CATSPERB: variants seen among roughly 807,000 people sequenced by gnomAD.
CATSPERB encodes catsper channel auxiliary subunit beta.
CATSPERB carries 93 observed loss-of-function variants against 128.3 expected under a neutral mutation model. The observed-to-expected ratio is 0.72, with a 90% CI of 0.61 to 0.86. The LOEUF is 0.86. CATSPERB is among the 40% of genes least tolerant of loss of function. The pLI is 0.00. For missense variants in CATSPERB, 1,153 were observed against 1,329.5 expected (o/e 0.87, Z 2.06); for synonymous variants, 381 against 448.8 (o/e 0.85, Z 1.91).
chr14:91,640,542 A>G (rs1247460429), intron 15 of CATSPERB, among the ~76,000 whole-genome samples: 2 of 102,456 alleles, frequency 2.0e-5, no homozygotes, highest in Non-Finnish European at 3.9e-5. Flanking sequence ...ATGATTTCCA[A>G]TTTCATCCAT....
chr14:91,678,337 C>T (rs1170539790), intron 11 of CATSPERB, among the ~76,000 whole-genome samples: 2 of 152,178 alleles, frequency 1.3e-5, no homozygotes, highest in African/African-American at 2.4e-5. Context: ...CAAAGTTCAG[C>T]CATGTGAACA....
intron 18 of CATSPERB, among the ~76,000 whole-genome samples, chr14:91,624,164 A>G (rs939559611): frequency 3.5e-4 from 54 of 152,186 alleles, no homozygotes; most frequent in African/African-American, 1.2e-3. Context: ...CCTGGCTAAC[A>G]AGGTGAAACC....
chr14:91,624,876 C>A lies in CATSPERB; in HGVS notation c.1874G>T (p.Ser625Ile), dbSNP rs771457564. 1 of 1,611,618 alleles carries A rather than the reference C, an allele frequency of 6.2e-7. No homozygotes were observed. The highest frequency in any genetic ancestry group is 8.5e-7 in the Non-Finnish European group (1 of 1,179,352). ...TCCAGCTTTATTAATCAAAAGGGAA[C>A]TAGACAAACAAGAGCTCTCATTCAC... ...EEVNESSCLS[S>I]SLLINKAGNV... The change falls in exon 18 of 27, where the codon AGT becomes ATT. Residue 625 changes from serine to isoleucine, a missense_variant. Physicochemically the swap from Ser to Ile is moderately radical, Grantham distance 142 (BLOSUM62 -2). Transcript: ENST00000256343.
chr14:91,652,020 A>G lies in CATSPERB; in HGVS notation c.1432+7817T>C, dbSNP rs573030355. Among the ~76,000 whole-genome samples, 92 of 152,332 alleles carry G rather than the reference A, an allele frequency of 6.0e-4. 1 individual carries two copies. The highest frequency in any genetic ancestry group is 6.8e-3 in the Middle Eastern group (2 of 294). On this transcript the variant is annotated intron_variant, in intron 15 of 26. Transcript: ENST00000256343. ...AGGAGAATATCTTCATAGCTTTGGG[A>G]TAGGCAAAGAATTCTTAAATAGAAT...
intron 10 of CATSPERB, among the ~76,000 whole-genome samples, chr14:91,691,184 C>A (rs60456794): frequency 0.1 from 15,720 of 152,156 alleles, 980 homozygotes; most frequent in African/African-American, 0.17. Context: ...ACCTTACTCT[C>A]TTCAGTCAAG....
At chr14:91,598,338 T>C (rs1893545583) in intron 22 of CATSPERB, among the ~76,000 whole-genome samples, 1 of 152,082 alleles carries the variant, frequency 6.6e-6, no homozygotes, top group Admixed American at 6.5e-5. Context: ...TTAGCAAGAA[T>C]GTTTTTCTAC....
In CATSPERB at chr14:91,636,680, T is replaced by C; in HGVS notation, c.1588-101A>G. On this transcript the variant is annotated intron_variant, in intron 16 of 26. Transcript: ENST00000256343. ...TTATTTCCAGTTCACATTAAAACAA[T>C]ACTGGTTTACTTATCAATTGGAGAA... The C allele has an allele frequency of 7.2e-6, 7 of 977,778 alleles. 1 individual carries two copies. The highest frequency in any genetic ancestry group is 3.7e-5 in the South Asian group (2 of 54,396). The allele number at this position is 977,778 out of a possible 1,614,324, so 60.6% of individuals were successfully genotyped here.
chr14:91,659,543 T>C (rs1704672), intron 15 of CATSPERB, among the ~76,000 whole-genome samples: 140,750 of 152,256 alleles, frequency 0.92, 65,155 homozygotes, highest in East Asian at 0.97. Flanking sequence ...TCAGATGAGA[T>C]GATATTTGTA....
At chr14:91,638,994 G>C (rs1894434481) in intron 16 of CATSPERB, 102 bp downstream of exon 16, 2 of 1,044,162 alleles carry the variant, frequency 1.9e-6, no homozygotes, top group Admixed American at 4.7e-5. Flanking sequence ...TAATGAGTTT[G>C]TCCCAAGGAA....
chr14:91,599,839 C>G (rs962332009), intron 22 of CATSPERB, among the ~76,000 whole-genome samples: 1 of 152,110 alleles, frequency 6.6e-6, no homozygotes, highest in Admixed American at 6.5e-5. Context: ...TCTGATTAGC[C>G]TTTCCAAAGG....
chr14:91,697,660 G>T (rs1359212287), intron 7 of CATSPERB, among the ~76,000 whole-genome samples: 1 of 152,110 alleles, frequency 6.6e-6, no homozygotes, highest in Non-Finnish European at 1.5e-5. Context: ...GCTTATTTTT[G>T]TTAACTTTGT....
intron 13 of CATSPERB, among the ~76,000 whole-genome samples, chr14:91,671,050 T>G (rs1157691282): frequency 6.6e-6 from 1 of 152,112 alleles, no homozygotes; most frequent in African/African-American, 2.4e-5. Flanking sequence ...CTGAAGACTG[T>G]TGAGATTCAA....
At chr14:91,672,661 G>T (rs759034576) in intron 13 of CATSPERB, among the ~76,000 whole-genome samples, 1 of 152,054 alleles carries the variant, frequency 6.6e-6, no homozygotes, top group Non-Finnish European at 1.5e-5. Context: ...ACAGCATCAC[G>T]TTTTCCATTT....
intron 6 of CATSPERB, among the ~76,000 whole-genome samples, chr14:91,707,766 C>CTTTT (rs76649759): frequency 7.8e-6 from 1 of 128,038 alleles, no homozygotes; most frequent in Non-Finnish European, 1.7e-5. Context: ...GCCTGGTTAA[C>CTTTT]TTTTTTTTTT....
chr14:91,637,137 T>G (rs1566713742), intron 16 of CATSPERB, among the ~76,000 whole-genome samples: 1 of 152,118 alleles, frequency 6.6e-6, no homozygotes, highest in Non-Finnish European at 1.5e-5. Flanking sequence ...CACCTTTCTC[T>G]AATCCTGACC....
Position 91,693,483 on chromosome 14 carries a change from C to T in CATSPERB, c.617-4G>A, listed in dbSNP as rs1895505761. On this transcript the variant is annotated splice_polypyrimidine_tract_variant and splice_region_variant and intron_variant, in intron 7 of 26. Transcript: ENST00000256343. ...AAGGTTATGCCTATGTAAACACCTA[C>T]CATGAAACAAAAGGAAAATTAAAGC... 1.2e-6 allele frequency: 2 copies of T among 1,609,274 alleles called. No homozygotes were observed. The highest frequency in any genetic ancestry group is 2.2e-5 in the East Asian group (1 of 44,836).
intron 22 of CATSPERB, among the ~76,000 whole-genome samples, chr14:91,601,185 A>G (rs34803145): frequency 0.13 from 19,340 of 152,262 alleles, 1,466 homozygotes; most frequent in Middle Eastern, 0.21. Context: ...TTAACATAGC[A>G]CTAAATTAAT....
Position 91,591,915 on chromosome 14 carries a change from C to T in CATSPERB, c.2797G>A (p.Ala933Thr), listed in dbSNP as rs775378102. Residue 933 changes from alanine (A) to threonine (T), a missense_variant, in exon 23 of 27, where the codon GCT becomes ACT. Coordinates refer to ENST00000256343, the MANE Select transcript of CATSPERB (RefSeq NM_024764.4). ...TKDQKFSHAV[A>T]FSDCREKVPR... ...ACTTTTTCCCTGCAATCCGAGAAAG[C>T]AACAGCATGTGAAAACTTCTGATCC... 9 of 1,613,106 alleles carry T rather than the reference C, an allele frequency of 5.6e-6. No homozygotes were observed. In the East Asian group the frequency reaches 1.8e-4, roughly 32 times the overall value.
chr14:91,659,528 G>A (rs1309802907), intron 15 of CATSPERB, among the ~76,000 whole-genome samples: 2 of 152,214 alleles, frequency 1.3e-5, no homozygotes, highest in Non-Finnish European at 2.9e-5. Flanking sequence ...AAGTTGTTCT[G>A]AATATCAGAT....
Sources: allele counts gnomAD v4.1 joint callset (sites outside exome capture counted in the v4.1 genomes callset), GRCh38; gene constraint gnomAD v4.1.1; transcripts MANE v1.5; gene names NCBI Gene and HGNC (gene_info 2026-07-23, HGNC 2026-07-21).